Variants in ATP13A3 observed in about 807,000 individuals in gnomAD.
ATP13A3 encodes ATPase 13A3, also known as polyamine-transporting ATPase 13A3.
A neutral mutation model predicts 158.1 loss-of-function variants in ATP13A3; 59 were observed. The ratio of observed to expected loss-of-function variants is 0.37; its 90% confidence interval spans 0.30 to 0.46. ATP13A3 has a LOEUF of 0.46. ATP13A3 is among the 20% of genes least tolerant of loss of function. The pLI is 1.00. For missense variants in ATP13A3, 1,166 were observed against 1,525.2 expected (o/e 0.76, Z 3.92); for synonymous variants, 491 against 504.3 (o/e 0.97, Z 0.35).
At chr3:194,408,395 A>T (rs924595419) in intron 33 of ATP13A3, among the ~76,000 whole-genome samples, 73 of 152,168 alleles carry the variant, frequency 4.8e-4, no homozygotes, top group Non-Finnish European at 3.1e-4. Flanking sequence ...GACTTTTTTT[A>T]AAAAAGCAGA....
intron 2 of ATP13A3, among the ~76,000 whole-genome samples, chr3:194,479,928 G>C (rs1577095532): frequency 6.6e-6 from 1 of 151,972 alleles, no homozygotes; most frequent in East Asian, 1.9e-4. Flanking sequence ...AGATACATGA[G>C]GTTAACATCT....
At chr3:194,406,248 G>GA in intron 33 of ATP13A3, 132 bp from the exon 34 acceptor site, 1 of 963,288 alleles carries the variant, frequency 1.0e-6, no homozygotes, top group African/African-American at 1.7e-5. Context: ...AACGAATGGG[G>GA]GAAAAAAAAA....
chr3:194,443,204 T>C (rs1166246031), intron 15 of ATP13A3, among the ~76,000 whole-genome samples: 2 of 152,048 alleles, frequency 1.3e-5, no homozygotes, highest in Non-Finnish European at 2.9e-5. Flanking sequence ...ATGCAACAAA[T>C]ACATATAGGA....
intron 31 of ATP13A3, among the ~76,000 whole-genome samples, chr3:194,417,396 G>GACACACACACACACACACAC (rs56119734): frequency 2.5e-4 from 29 of 118,138 alleles, no homozygotes; most frequent in East Asian, 1.8e-3. Flanking sequence ...GCCAGATTCT[G>GACACACACACACACACACAC]ACACACACAC....
chr3:194,473,486 G>GGA (rs367634972), intron 2 of ATP13A3, among the ~76,000 whole-genome samples: 1 of 143,512 alleles, frequency 7.0e-6, no homozygotes, highest in African/African-American at 2.5e-5. Context: ...TTAAATTGGT[G>GGA]AAAAAAAAAA....
upstream of ATP13A3, among the ~76,000 whole-genome samples, chr3:194,489,446 A>C (rs1721120458): frequency 1.3e-5 from 2 of 152,146 alleles, no homozygotes; most frequent in South Asian, 4.1e-4. The surrounding 1 kb of genome is among the most constrained non-coding windows in gnomAD (Gnocchi z 4.1). Flanking sequence ...TCCATCTAAA[A>C]AAAAAAATTC....
chr3:194,483,284 T>C (rs1333514390), intron 2 of ATP13A3, among the ~76,000 whole-genome samples: 1 of 144,448 alleles, frequency 6.9e-6, no homozygotes, highest in Non-Finnish European at 1.5e-5. Context: ...ACTCTTTCTC[T>C]GGGGGGAAAA....
intron 11 of ATP13A3, among the ~76,000 whole-genome samples, chr3:194,449,274 ATG>A (rs916326323): frequency 3.3e-5 from 5 of 152,114 alleles, no homozygotes; most frequent in African/African-American, 1.2e-4. Flanking sequence ...GATACGAGAT[ATG>A]TGTTTGTGTG....
intron 32 of ATP13A3, 43 bp from the exon 33 acceptor site, chr3:194,412,331 T>G: frequency 7.0e-7 from 1 of 1,422,378 alleles, no homozygotes; most frequent in South Asian, 1.2e-5. Context: ...AATGACTAAG[T>G]CATTTTTTAT....
At chr3:194,453,584 G>C in intron 10 of ATP13A3, 122 bp downstream of exon 10, 2 of 770,270 alleles carry the variant, frequency 2.6e-6, no homozygotes, top group African/African-American at 1.8e-5. Flanking sequence ...AAGTGACAGA[G>C]ACACTGACTC....
At chr3:194,441,179 T>C in intron 16 of ATP13A3, 132 bp downstream of exon 16, 1 of 725,686 alleles carries the variant, frequency 1.4e-6, no homozygotes. Flanking sequence ...CTTTAGAAAT[T>C]ACATAGCTCC....
intron 2 of ATP13A3, among the ~76,000 whole-genome samples, chr3:194,483,356 AAGGCAGGCAGACTGCTTCAGTTC>A (rs1720833188): frequency 6.6e-6 from 1 of 151,008 alleles, no homozygotes; most frequent in African/African-American, 2.5e-5. Flanking sequence ...TTGGGAGGCC[AAGGCAGGCAGACTGCTTCAGTTC>A]AGGAGTTTGA....
chr3:194,438,233 C>G (rs992668999), intron 17 of ATP13A3, among the ~76,000 whole-genome samples: 1 of 151,940 alleles, frequency 6.6e-6, no homozygotes, highest in African/African-American at 2.4e-5. Flanking sequence ...ATCTTGCCAA[C>G]CAGTTATACA....
intron 20 of ATP13A3, among the ~76,000 whole-genome samples, chr3:194,435,844 C>T (rs1231286093): frequency 6.6e-6 from 1 of 151,950 alleles, no homozygotes; most frequent in Admixed American, 6.6e-5. Context: ...GAGGCGGGGG[C>T]TATGGTGAAC....
chr3:194,493,974 T>C (rs911378245), intron 2 of ATP13A3: 1 of 393,394 alleles, frequency 2.5e-6, no homozygotes, highest in South Asian at 1.4e-4. Context: ...TGAGGAAGAT[T>C]ATTTCTGCTT....
intron 13 of ATP13A3, 117 bp from the exon 14 acceptor site, chr3:194,447,232 A>G (rs1264038788): frequency 5.0e-5 from 41 of 822,948 alleles, no homozygotes; most frequent in South Asian, 4.7e-4. Flanking sequence ...AATTTTATGT[A>G]TGTGTGTGTA....
chr3:194,490,411 A>G (rs1031819054), upstream of ATP13A3, among the ~76,000 whole-genome samples: 2 of 152,212 alleles, frequency 1.3e-5, no homozygotes, highest in Non-Finnish European at 2.9e-5. The surrounding 1 kb of genome is among the most constrained non-coding windows in gnomAD (Gnocchi z 4.4). Flanking sequence ...TCTCAGCAGC[A>G]TGCATCTCCT....
chr3:194,420,003 G>T (rs1716175795), intron 30 of ATP13A3, 36 bp from the exon 31 acceptor site: 1 of 1,484,150 alleles, frequency 6.7e-7, no homozygotes, highest in South Asian at 1.4e-5. Context: ...AAGTAAATTA[G>T]GAAATTCCTT....
chr3:194,463,381 T>C (rs550314720), intron 2 of ATP13A3, among the ~76,000 whole-genome samples: 2 of 152,146 alleles, frequency 1.3e-5, no homozygotes, highest in Admixed American at 6.5e-5. Context: ...TTTCTAACTT[T>C]TTGTTTTTTT....
Sources: allele counts gnomAD v4.1 joint callset (sites outside exome capture counted in the v4.1 genomes callset), GRCh38; gene constraint gnomAD v4.1.1; non-coding constraint Gnocchi (gnomAD v3.1); transcripts MANE v1.5; gene names NCBI Gene and HGNC (gene_info 2026-07-23, HGNC 2026-07-21).